Variants in MORC3 observed in about 807,000 individuals in gnomAD.
MORC3 encodes the protein MORC family CW-type zinc finger 3, also known as MORC family CW-type zinc finger protein 3.
A neutral mutation model predicts 109.1 loss-of-function variants in MORC3; 31 were observed. The ratio of observed to expected loss-of-function variants is 0.28; its 90% CI spans 0.21 to 0.38. The LOEUF (loss-of-function observed/expected upper bound fraction) is 0.38, where lower values mean the gene tolerates loss of function less well. Ranked by LOEUF, MORC3 falls within the 10% of genes least tolerant of loss-of-function variation. MORC3 has a pLI of 1.00. For synonymous variants in MORC3, 395 were observed against 380.7 expected, an observed-to-expected ratio of 1.04 and a Z score of -0.44; for missense variants, 867 against 1,135.8, an observed-to-expected ratio of 0.76 and a Z score of 3.40.
At chr21:36,352,426 A>G (rs1370350849) in intron 9 of MORC3, among the ~76,000 whole-genome samples, 1 of 152,100 alleles carries the variant, frequency 6.6e-6, no homozygotes, top group Non-Finnish European at 1.5e-5. Flanking sequence ...AAAGGAAGAC[A>G]TAAAGCTCTA....
chr21:36,354,893 C>T (rs1034180119), intron 9 of MORC3, among the ~76,000 whole-genome samples: 5 of 152,188 alleles, frequency 3.3e-5, no homozygotes, highest in African/African-American at 1.2e-4. Flanking sequence ...TGAATTCCTG[C>T]AACATCCATA....
At chr21:36,359,919 T>C (rs1000560129) in intron 10 of MORC3, 36 bp from the exon 11 acceptor site, 3 of 1,611,560 alleles carry the variant, frequency 1.9e-6, no homozygotes, top group African/African-American at 2.7e-5. Flanking sequence ...AGAGTCCATA[T>C]TTCTGTGTTA....
At chr21:36,357,979 G>C (rs1320383135) in intron 10 of MORC3, among the ~76,000 whole-genome samples, 1 of 151,854 alleles carries the variant, frequency 6.6e-6, no homozygotes, top group African/African-American at 2.4e-5. Context: ...GACCTCAGGT[G>C]ATCTGCCTGC....
At chr21:36,324,856 C>T (rs944240284) in intron 1 of MORC3, among the ~76,000 whole-genome samples, 13 of 150,796 alleles carry the variant, frequency 8.6e-5, no homozygotes, top group East Asian at 5.9e-4. Context: ...TACAGGCATG[C>T]GCCACCATGC....
chr21:36,343,175 A>G (rs1461345422), intron 6 of MORC3, among the ~76,000 whole-genome samples: 1 of 151,972 alleles, frequency 6.6e-6, no homozygotes, highest in African/African-American at 2.4e-5. Context: ...GGCTCACCAC[A>G]GCCTCCACCT....
Position 36,320,791 on chromosome 21 carries a change from C to T in MORC3, c.39+488C>T, listed in dbSNP as rs540193795. ...GAGTCAGGATGAGTGTGCCTGATGC[C>T]TGTCAGTGCCTGCAGCTTCCTTGGC... On this transcript the variant is annotated intron_variant, in intron 1 of 16. Coordinates refer to ENST00000400485, the MANE Select transcript of MORC3 (RefSeq NM_015358.3). 122 of 156,538 alleles carry T rather than the reference C, an allele frequency of 7.8e-4. 1 individual carries two copies. The highest frequency in any genetic ancestry group is 1.4e-3 in the Non-Finnish European group (98 of 71,094). 9.7% of individuals were successfully genotyped at this position (156,538 alleles called of 1,614,324 possible). A position where few individuals can be genotyped will look rare whatever the true frequency, so the allele number is the denominator to read the frequency against.
At position 36,341,278 on chromosome 21, in the gene MORC3, C is replaced by G. The variant is rs543252786; in HGVS notation, c.609-121C>G. 55 of 876,568 alleles carry G rather than the reference C, an allele frequency of 6.3e-5. 2 individuals carry two copies. In the South Asian group the frequency reaches 9.6e-4, roughly 15 times the overall value. The allele number at this position is 876,568 out of a possible 1,614,324, so 54.3% of individuals were successfully genotyped here. On this transcript the variant is annotated intron_variant, in intron 5 of 16. Transcript: ENST00000400485. ...TCTTGCCTTTGCACCCCCAACCCCC[C>G]ACTGACGTGCACCATGTGTAGGTTT...
chr21:36,337,962 T>C lies in MORC3; in HGVS notation c.460+16T>C. 6.2e-7 allele frequency: 1 copy of C among 1,608,914 alleles called. No individual in the cohort carries two copies. The highest frequency in any genetic ancestry group is 8.5e-7 in the Non-Finnish European group (1 of 1,177,680). The stretch of plus-strand genomic sequence containing the variant: ...AACAAGCACCATATCCTTTTGGTTG[T>C]GAAATAAAAGCTGTGGAGAAACTGA... On this transcript the variant is annotated intron_variant, in intron 4 of 16. Coordinates refer to ENST00000400485, the MANE Select transcript of MORC3 (RefSeq NM_015358.3).
chr21:36,360,373 A>T, intron 12 of MORC3, 115 bp downstream of exon 12: 1 of 1,076,022 alleles, frequency 9.3e-7, no homozygotes, highest in Non-Finnish European at 1.3e-6. Context: ...GAAAAAGTTT[A>T]TAATGTGGAG....
chr21:36,330,119 C>G (rs912031205), intron 1 of MORC3, among the ~76,000 whole-genome samples: 8 of 152,168 alleles, frequency 5.3e-5, no homozygotes, highest in African/African-American at 1.9e-4. Flanking sequence ...GCCTTGGCCT[C>G]CCAAAGCGCT....
rs541408590 is a variant in MORC3 at position 36,362,212 on chromosome 21, C to T, written c.1436C>T (p.Pro479Leu). 1.4e-5 allele frequency: 23 copies of T among 1,608,464 alleles called. No individual in the cohort carries two copies. In the East Asian group the frequency reaches 1.6e-4, roughly 11 times the overall value. The stretch of plus-strand genomic sequence containing the variant: ...AAGGAAAAATTCAGGATCAGACAAC[C>T]GGAAATGATCCCTCGGGTAATTAAG... ...TNKEKFRIRQ[P>L]EMIPRINAEL... is the part of the protein sequence containing the mutation. The change falls in exon 13 of 17, where the codon CCG becomes CTG. Residue 479 changes from proline (P) to leucine (L), a missense_variant. Coordinates refer to ENST00000400485, the MANE Select transcript of MORC3 (RefSeq NM_015358.3).
rs1202729285 is a variant in MORC3 at position 36,353,755 on chromosome 21, A to ATTTTTTTTTTTTTTTTTTTTTTTT, written c.1104-2843_1104-2842insTTTTTTTTTTTTTTTTTTTTTTTT. Among the ~76,000 whole-genome samples, 97 of 70,998 alleles carry ATTTTTTTTTTTTTTTTTTTTTTTT rather than the reference A, an allele frequency of 1.4e-3. 18 individuals are homozygous for ATTTTTTTTTTTTTTTTTTTTTTTT. The highest frequency in any genetic ancestry group is 6.2e-3 in the African/African-American group (93 of 14,928). 46.6% of individuals were successfully genotyped at this position (70,998 alleles called of 152,430 possible). ...GCCACCAAGCCCGGCTAATTTTTGT[A>ATTTTTTTTTTTTTTTTTTTTTTTT]TTTTTTTTTTTTTTTTTTTTTTAGT... On this transcript the variant is annotated intron_variant, in intron 9 of 16. Coordinates refer to ENST00000400485, the MANE Select transcript of MORC3 (RefSeq NM_015358.3).
intron 9 of MORC3, among the ~76,000 whole-genome samples, chr21:36,354,404 A>G (rs1158671505): frequency 7.1e-6 from 1 of 140,292 alleles, no homozygotes; most frequent in African/African-American, 2.7e-5. Context: ...TCCCAGGTTC[A>G]AGCGATTCTT....
chr21:36,368,741 G>T (rs2085810244), intron 14 of MORC3, among the ~76,000 whole-genome samples: 1 of 152,158 alleles, frequency 6.6e-6, no homozygotes, highest in South Asian at 2.1e-4. Flanking sequence ...GCTGGACGTG[G>T]TGGCGGGTGC....
chr21:36,338,648 C>CAAAA, intron 4 of MORC3, 126 bp from the exon 5 acceptor site: 1 of 796,684 alleles, frequency 1.3e-6, no homozygotes, highest in Non-Finnish European at 1.8e-6. Context: ...CCCTATCTCA[C>CAAAA]AAAAAAAAAA....
intron 1 of MORC3, among the ~76,000 whole-genome samples, chr21:36,331,500 A>AG (rs1355743711): frequency 2.6e-5 from 4 of 152,178 alleles, no homozygotes; most frequent in Non-Finnish European, 4.4e-5. Flanking sequence ...CGGGAGGCTG[A>AG]GGCAGGAGAA....
chr21:36,332,147 AT>A (rs2085323457), intron 1 of MORC3, among the ~76,000 whole-genome samples: 1 of 150,934 alleles, frequency 6.6e-6, no homozygotes, highest in African/African-American at 2.4e-5. Flanking sequence ...TCTGAAAAAA[AT>A]AAGAGGCTGG....
chr21:36,357,579 T>C (rs1026809802), intron 10 of MORC3, among the ~76,000 whole-genome samples: 1 of 151,984 alleles, frequency 6.6e-6, no homozygotes, highest in African/African-American at 2.4e-5. Context: ...AGTATACACA[T>C]GCATACTTTA....
rs139430565 is a variant in MORC3, at chr21:36,367,755, G to T, written c.1620-1233G>T. ...CATTTTTTTAACGCAGGGAATAAAA[G>T]ATTTTTTCAGAAAGAAACAGATTAT... On this transcript the variant is annotated intron_variant, in intron 14 of 16. Coordinates refer to ENST00000400485, the MANE Select transcript of MORC3 (RefSeq NM_015358.3). Among the ~76,000 whole-genome samples the T allele has an allele frequency of 3.2e-3, 482 of 152,242 alleles. 4 individuals carry two copies. The highest frequency in any genetic ancestry group is 0.011 in the African/African-American group (454 of 41,552).
Sources: gnomAD v4.1 joint callset for allele counts (sites outside exome capture counted in the v4.1 genomes callset) on GRCh38, gnomAD v4.1.1 for gene constraint, MANE v1.5 for transcripts, NCBI Gene and HGNC (gene_info 2026-07-23, HGNC 2026-07-21) for gene names.